CDH12: variants seen among roughly 807,000 people sequenced by gnomAD.
The protein encoded by CDH12 is cadherin 12, also known as cadherin-12.
A neutral mutation model predicts 74.1 loss-of-function variants in CDH12; 41 were observed. The ratio of observed to expected loss-of-function variants is 0.55; its 90% CI spans 0.43 to 0.72. The LOEUF (loss-of-function observed/expected upper bound fraction) is 0.72. Ranked by LOEUF, CDH12 falls within the 30% of genes least tolerant of loss-of-function variation. The probability of loss-of-function intolerance (pLI) is 0.00; values close to 1 mark genes in which losing one functional copy is unlikely to be tolerated. For synonymous variants in CDH12, 399 were observed against 355.0 expected (o/e 1.12, Z -1.39); for missense variants, 945 against 977.2 (o/e 0.97, Z 0.44).
At chr5:22,032,404 T>C (rs1453371951) in intron 5 of CDH12, among the ~76,000 whole-genome samples, 1 of 151,956 alleles carries the variant, frequency 6.6e-6, no homozygotes, top group African/African-American at 2.4e-5. Flanking sequence ...TGCATCTTAA[T>C]GGAATGATAA....
intron 5 of CDH12, among the ~76,000 whole-genome samples, chr5:22,009,588 ATTTAC>A (rs1463783070): frequency 7.9e-5 from 12 of 152,202 alleles, no homozygotes; most frequent in African/African-American, 1.9e-4. Context: ...TCTTTTAAGA[ATTTAC>A]TTTACATTAA....
intron 4 of CDH12, chr5:22,143,854 T>C (rs1746976819): frequency 6.6e-6 from 1 of 152,392 alleles, no homozygotes; most frequent in African/African-American, 2.4e-5. Context: ...TGTTTGCATA[T>C]ACTTCTGTTT....
chr5:22,230,659 CG>C (rs1190798213), intron 3 of CDH12, among the ~76,000 whole-genome samples: 1 of 151,584 alleles, frequency 6.6e-6, no homozygotes, highest in African/African-American at 2.4e-5. Flanking sequence ...TTAATAGAGA[CG>C]GGGTTTCACT....
intron 1 of CDH12, among the ~76,000 whole-genome samples, chr5:22,597,563 T>G (rs1178656205): frequency 1.3e-5 from 2 of 152,190 alleles, no homozygotes; most frequent in Admixed American, 1.3e-4. Context: ...CTCAAAAGAT[T>G]GATTATCTTC....
chr5:22,647,425 C>A (rs1169279930), intron 1 of CDH12, among the ~76,000 whole-genome samples: 1 of 151,658 alleles, frequency 6.6e-6, no homozygotes, highest in Non-Finnish European at 1.5e-5. Context: ...TAACAAAATA[C>A]AGAACAACAT....
chr5:22,261,745 C>A (rs1316735117), intron 3 of CDH12, among the ~76,000 whole-genome samples: 1 of 150,798 alleles, frequency 6.6e-6, no homozygotes, highest in Non-Finnish European at 1.5e-5. Flanking sequence ...TGCATGTGTC[C>A]CACACGGGTG....
At chr5:22,207,637 C>T (rs1000745438) in intron 4 of CDH12, among the ~76,000 whole-genome samples, 2 of 152,180 alleles carry the variant, frequency 1.3e-5, no homozygotes, top group African/African-American at 2.4e-5. Context: ...AATTCAGTTG[C>T]TAATTTAGTC....
intron 1 of CDH12, among the ~76,000 whole-genome samples, chr5:22,822,327 G>A (rs1051105069): frequency 3.3e-5 from 5 of 152,070 alleles, no homozygotes; most frequent in African/African-American, 1.2e-4. Context: ...CATGGGCAAG[G>A]ACTTCATGTC....
chr5:22,798,712 T>G (rs1748354658), intron 1 of CDH12, among the ~76,000 whole-genome samples: 1 of 152,188 alleles, frequency 6.6e-6, no homozygotes, highest in African/African-American at 2.4e-5. Flanking sequence ...ATATTACAAA[T>G]GAATATTCTT....
At position 22,169,113 on chromosome 5, in the gene CDH12, T is replaced by C. The variant is rs531377620; in HGVS notation, c.-187+43385A>G. Among the ~76,000 whole-genome samples, 21 of 151,866 alleles carry C rather than the reference T, an allele frequency of 1.4e-4. No homozygotes were observed. The South Asian group carries it at 4.1e-3, about 30-fold the overall frequency. On this transcript the variant is annotated intron_variant, in intron 4 of 14. Coordinates refer to ENST00000382254, the MANE Select transcript of CDH12 (RefSeq NM_004061.5). ...CTCCTCCTGTCTATGTCTGTCTTCC[T>C]GTCTCCCTCTCTCTCTGCCTTTCTG... is the stretch of plus-strand genomic sequence containing the variant.
intron 4 of CDH12, among the ~76,000 whole-genome samples, chr5:22,147,581 G>A (rs1478938275): frequency 7.2e-6 from 1 of 139,706 alleles, no homozygotes; most frequent in Non-Finnish European, 1.5e-5. Flanking sequence ...AGACTGGGTA[G>A]TTTATCTTAA....
At chr5:22,840,343 C>T (rs752639234) in intron 1 of CDH12, among the ~76,000 whole-genome samples, 9 of 151,856 alleles carry the variant, frequency 5.9e-5, no homozygotes, top group Admixed American at 1.3e-4. Context: ...AGGATGGTCT[C>T]GATCTCCTGA....
intron 2 of CDH12, among the ~76,000 whole-genome samples, chr5:22,435,475 C>CAT (rs912739581): frequency 7.0e-6 from 1 of 143,214 alleles, no homozygotes; most frequent in Non-Finnish European, 1.5e-5. Flanking sequence ...TGTACACACA[C>CAT]ATATATATGT....
At chr5:22,123,957 T>C (rs1351061263) in intron 4 of CDH12, among the ~76,000 whole-genome samples, 1 of 151,474 alleles carries the variant, frequency 6.6e-6, no homozygotes, top group African/African-American at 2.4e-5. Flanking sequence ...AATTTTTTTA[T>C]TTTTTATTTT....
At chr5:22,106,036 G>T (rs1027400076) in intron 4 of CDH12, among the ~76,000 whole-genome samples, 5 of 152,150 alleles carry the variant, frequency 3.3e-5, no homozygotes, top group Admixed American at 3.3e-4. Flanking sequence ...TATTGCCATA[G>T]AAGTTTCCAT....
intron 4 of CDH12, among the ~76,000 whole-genome samples, chr5:22,183,502 C>A (rs1426051413): frequency 6.6e-6 from 1 of 152,038 alleles, no homozygotes; most frequent in East Asian, 1.9e-4. Context: ...ATATTTTTTT[C>A]TTATAAAGAA....
intron 4 of CDH12, among the ~76,000 whole-genome samples, chr5:22,115,820 C>A (rs139115472): frequency 2.4e-4 from 36 of 150,902 alleles, no homozygotes; most frequent in African/African-American, 8.3e-4. Flanking sequence ...ACCTCCCAAG[C>A]AGCTGGGACT....
intron 5 of CDH12, among the ~76,000 whole-genome samples, chr5:22,039,515 AT>A (rs1419737932): frequency 5.3e-5 from 8 of 152,158 alleles, no homozygotes; most frequent in Non-Finnish European, 1.0e-4. Context: ...CTAGTACCTA[AT>A]GCCACTGCAA....
At chr5:22,739,544 T>C (rs995824651) in intron 1 of CDH12, among the ~76,000 whole-genome samples, 5 of 152,088 alleles carry the variant, frequency 3.3e-5, no homozygotes, top group Non-Finnish European at 7.4e-5. Context: ...TACAGTAGTC[T>C]ACCTTATTGT....
Sources: allele counts gnomAD v4.1 joint callset (sites outside exome capture counted in the v4.1 genomes callset), GRCh38; gene constraint gnomAD v4.1.1; transcripts MANE v1.5; gene names NCBI Gene and HGNC (gene_info 2026-07-23, HGNC 2026-07-21).